WDR17: variants seen among roughly 807,000 people sequenced by gnomAD.
WDR17 encodes WD repeat-containing protein 17.
In WDR17, 143 loss-of-function variants were observed where a neutral mutation model predicts 161.7. That is an observed-to-expected ratio of 0.88 (90% CI 0.77 to 1.02). WDR17 has a LOEUF of 1.02. Among genes scored for constraint, WDR17 ranks in the 50% least tolerant of loss-of-function variants. The pLI, the probability that WDR17 is intolerant of heterozygous loss-of-function variation, is 0.00. For missense variants in WDR17, 1,469 were observed against 1,520.9 expected, an observed-to-expected ratio of 0.97 and a Z score of 0.57; for synonymous variants, 517 against 515.6, an observed-to-expected ratio of 1.00 and a Z score of -0.04.
intron 16 of WDR17, 35 bp downstream of exon 16, chr4:176,150,628 A>T: frequency 6.5e-7 from 1 of 1,544,270 alleles, no homozygotes; most frequent in Non-Finnish European, 8.7e-7. Flanking sequence ...GTACTCAAGC[A>T]AATTTTTTGC....
intron 1 of WDR17, among the ~76,000 whole-genome samples, chr4:176,102,485 G>A (rs1737977515): frequency 6.6e-6 from 1 of 152,142 alleles, no homozygotes; most frequent in Non-Finnish European, 1.5e-5. Flanking sequence ...CAGCAGTTGT[G>A]TTCCTTGGTA....
At chr4:176,074,587 G>A (rs1283491026) in intron 1 of WDR17, among the ~76,000 whole-genome samples, 1 of 151,774 alleles carries the variant, frequency 6.6e-6, no homozygotes, top group African/African-American at 2.4e-5. Context: ...CTCATGAGTA[G>A]CTGCGACTAG....
Position 176,141,997 on chromosome 4 carries a change from T to C in WDR17, c.1457T>C (p.Ile486Thr), listed in dbSNP as rs1271753193. 6.2e-7 allele frequency: 1 copy of C among 1,601,008 alleles called. No homozygotes were observed. Among genetic ancestry groups the C allele is most frequent in the Admixed American group, 1.7e-5 (1 of 59,694 alleles). ...SSDGFCIIRT[I>T]DGKVLHKYKH... ...ATTAATTCTAGTATTATTCGAACAA[T>C]TGATGGTAAAGTGCTACACAAATAT... is the stretch of plus-strand genomic sequence containing the variant. The change falls in exon 11 of 29, where the codon ATT (isoleucine) becomes ACT (threonine). Residue 486 changes from isoleucine (I) to threonine (T), a missense_variant. By Grantham distance (89) the Ile-to-Thr change is moderately conservative. Transcript: ENST00000508596.
At chr4:176,116,066 ATGT>A (rs1740578757) in intron 3 of WDR17, 87 bp downstream of exon 3, 1 of 1,342,558 alleles carries the variant, frequency 7.4e-7, no homozygotes, top group Non-Finnish European at 1.0e-6. Context: ...AGCTTTTAAA[ATGT>A]TGTTTTCAAA....
At chr4:176,082,279 T>C (rs1220136456) in intron 1 of WDR17, among the ~76,000 whole-genome samples, 2 of 152,094 alleles carry the variant, frequency 1.3e-5, no homozygotes, top group African/African-American at 2.4e-5. Flanking sequence ...GCTTGTTGTA[T>C]TACTATAGAC....
chr4:176,152,557 G>A (rs1747353550), intron 17 of WDR17, among the ~76,000 whole-genome samples: 1 of 119,624 alleles, frequency 8.4e-6, no homozygotes, highest in South Asian at 2.8e-4. Flanking sequence ...AGTGAGCCGA[G>A]ATCGTGCCAC....
chr4:176,165,189 A>C (rs1476050960), intron 22 of WDR17, among the ~76,000 whole-genome samples: 1 of 148,428 alleles, frequency 6.7e-6, no homozygotes, highest in Non-Finnish European at 1.5e-5. Context: ...AAAACCCATT[A>C]CTAAAAATAC....
rs1751198952 is a variant in WDR17 at position 176,174,658 on chromosome 4, C to T, written c.3389C>T (p.Ala1130Val). 1.2e-6 allele frequency: 2 copies of T among 1,612,168 alleles called. No homozygotes were observed. The highest frequency in any genetic ancestry group is 1.7e-6 in the Non-Finnish European group (2 of 1,178,808). ...CTGATATTATGTGGTTACATTGGTG[C>T]ATTACTGGCTATCAGAAGACAGTAC... ...ELLILCGYIG[A>V]LLAIRRQYQS... is the part of the protein sequence containing the mutation. The change falls in exon 26 of 29, where the codon GCA becomes GTA. Residue 1130 changes from alanine to valine, a missense_variant. By Grantham distance (64) the Ala-to-Val change is moderately conservative. Coordinates refer to ENST00000508596, the MANE Select transcript of WDR17 (RefSeq NM_181265.4).
At chr4:176,109,643 G>A (rs1403735675) in intron 1 of WDR17, among the ~76,000 whole-genome samples, 3 of 152,164 alleles carry the variant, frequency 2.0e-5, no homozygotes, top group African/African-American at 7.2e-5. Flanking sequence ...AATGAAGAAC[G>A]TAGTTTCGTA....
intron 1 of WDR17, among the ~76,000 whole-genome samples, chr4:176,066,522 C>T (rs1732549599): frequency 1.3e-5 from 2 of 151,948 alleles, no homozygotes; most frequent in Admixed American, 6.6e-5. Context: ...GAAATGCGTT[C>T]CAGAAAAAAG....
intron 18 of WDR17, among the ~76,000 whole-genome samples, chr4:176,158,710 A>G (rs571411911): frequency 1.3e-5 from 2 of 152,316 alleles, no homozygotes; most frequent in Non-Finnish European, 2.9e-5. Context: ...TTAGTGGGGA[A>G]GGAAAAGGAG....
chr4:176,121,553 A>G (rs1386031279), intron 4 of WDR17, among the ~76,000 whole-genome samples: 1 of 152,200 alleles, frequency 6.6e-6, no homozygotes, highest in East Asian at 1.9e-4. Context: ...TCTGAAGAAG[A>G]TATGAGGAGT....
Position 176,126,871 on chromosome 4 carries a change from T to G in WDR17, c.790+1516T>G, listed in dbSNP as rs556719982. The stretch of plus-strand genomic sequence containing the variant: ...TTTTATAAGTGTCTGGCATTTCTCC[T>G]GTTTGCCCTCACTCCATTCCACTGC... On this transcript the variant is annotated intron_variant, in intron 5 of 28. Transcript: ENST00000508596. 5.3e-5 allele frequency among the ~76,000 whole-genome samples: 8 copies of G among 152,324 alleles called. No individual in the cohort carries two copies. In the South Asian group the frequency reaches 1.7e-3, roughly 32 times the overall value.
At chr4:176,171,287 A>T (rs1750701335) in intron 23 of WDR17, among the ~76,000 whole-genome samples, 2 of 152,206 alleles carry the variant, frequency 1.3e-5, no homozygotes, top group Admixed American at 6.6e-5. Context: ...TAGTCTATTT[A>T]AAAACGATAT....
chr4:176,130,567 A>G (rs1743224876), intron 6 of WDR17, among the ~76,000 whole-genome samples: 1 of 150,896 alleles, frequency 6.6e-6, no homozygotes, highest in East Asian at 1.9e-4. Flanking sequence ...ACACAGTGAA[A>G]CCCTGTCTCT....
intron 18 of WDR17, among the ~76,000 whole-genome samples, chr4:176,158,536 A>G (rs1330158126): frequency 2.6e-5 from 4 of 152,192 alleles, no homozygotes; most frequent in Admixed American, 2.0e-4. Context: ...TTCTCTTTGG[A>G]CATGTTGAGC....
chr4:176,156,159 T>A lies in WDR17; in HGVS notation c.2525+16T>A. The A allele has an allele frequency of 6.2e-7, 1 of 1,609,772 alleles. No individual in the cohort carries two copies. The highest frequency in any genetic ancestry group is 8.5e-7 in the Non-Finnish European group (1 of 1,177,882). On this transcript the variant is annotated intron_variant, in intron 18 of 28. Transcript: ENST00000508596. ...TAATGCAGAGGTAAGGCAGAGAGAG[T>A]CCGTGTTAAAACAGATGTTTTAAAA...
At chr4:176,163,745 C>T (rs897161380) in intron 22 of WDR17, among the ~76,000 whole-genome samples, 2 of 152,184 alleles carry the variant, frequency 1.3e-5, no homozygotes, top group Non-Finnish European at 2.9e-5. Flanking sequence ...CCCCCAGACT[C>T]TGGCAATACC....
chr4:176,125,877 T>C (rs1274114244), intron 5 of WDR17, among the ~76,000 whole-genome samples: 1 of 152,146 alleles, frequency 6.6e-6, no homozygotes, highest in Non-Finnish European at 1.5e-5. Context: ...TTTAGATTAG[T>C]TTAAGGCTAA....
Sources: gnomAD v4.1 joint callset for allele counts (sites outside exome capture counted in the v4.1 genomes callset) on GRCh38, gnomAD v4.1.1 for gene constraint, MANE v1.5 for transcripts, NCBI Gene and HGNC (gene_info 2026-07-23, HGNC 2026-07-21) for gene names.